The following MAP4 variants were observed in gnomAD, a reference collection of about 807,000 sequenced individuals.
The protein encoded by MAP4 is microtubule associated protein 4.
A neutral mutation model predicts 170.2 loss-of-function variants in MAP4; 76 were observed. That is an observed-to-expected ratio of 0.45 (90% CI 0.37 to 0.54). The LOEUF (loss-of-function observed/expected upper bound fraction) is 0.54, where lower values mean the gene tolerates loss of function less well. Ranked by LOEUF, MAP4 falls within the 20% of genes least tolerant of loss-of-function variation. MAP4 has a pLI of 0.00. For missense variants in MAP4, 2,506 were observed against 2,748.0 expected, an observed-to-expected ratio of 0.91 and a Z score of 1.97; for synonymous variants, 909 against 994.5, an observed-to-expected ratio of 0.91 and a Z score of 1.62.
intron 2 of MAP4, among the ~76,000 whole-genome samples, chr3:47,980,584 AG>A (rs1234341058): frequency 6.6e-6 from 1 of 152,218 alleles, no homozygotes; most frequent in African/African-American, 2.4e-5. Flanking sequence ...AGAACAAGGC[AG>A]TCCAAAACCA....
chr3:47,918,705 C>G lies in MAP4; in HGVS notation c.652+14G>C. The G allele has an allele frequency of 6.3e-7, 1 of 1,599,232 alleles. No individual in the cohort carries two copies. Among genetic ancestry groups the G allele is most frequent in the Non-Finnish European group, 8.6e-7 (1 of 1,167,348 alleles). On this transcript the variant is annotated intron_variant, in intron 6 of 20. Transcript: ENST00000683076. ...GCAACCATTAACTGATAAAGGGAGT[C>G]TCTAATAGTTTACCTGCCGTTGGCT...
intron 12 of MAP4, among the ~76,000 whole-genome samples, chr3:47,875,002 T>C (rs540686888): frequency 3.3e-5 from 5 of 151,064 alleles, no homozygotes; most frequent in South Asian, 4.1e-4. Context: ...AGCAATTCTG[T>C]AACACTAATG....
At chr3:47,941,647 C>T (rs2100056538) in intron 3 of MAP4, among the ~76,000 whole-genome samples, 1 of 150,468 alleles carries the variant, frequency 6.6e-6, no homozygotes. Flanking sequence ...AAAAACTGGG[C>T]ATGGTGGCGT....
chr3:48,000,618 G>A (rs2100098598), intron 1 of MAP4, among the ~76,000 whole-genome samples: 1 of 152,202 alleles, frequency 6.6e-6, no homozygotes, highest in Non-Finnish European at 1.5e-5. Flanking sequence ...GTCCATGAGT[G>A]ACAGCTATTT....
intron 1 of MAP4, among the ~76,000 whole-genome samples, chr3:48,051,690 A>G (rs2100127982): frequency 6.6e-6 from 1 of 152,190 alleles, no homozygotes; most frequent in South Asian, 2.1e-4. Context: ...CCACATAATC[A>G]TGTTCATTCA....
chr3:48,070,537 GT>G (rs1486102465), intron 1 of MAP4, among the ~76,000 whole-genome samples: 2 of 151,356 alleles, frequency 1.3e-5, no homozygotes, highest in South Asian at 2.1e-4. Flanking sequence ...GCTTAGGCTG[GT>G]CTTGAACTCC....
intron 10 of MAP4, among the ~76,000 whole-genome samples, chr3:47,897,963 G>T (rs1324893878): frequency 1.4e-5 from 2 of 147,430 alleles, no homozygotes; most frequent in African/African-American, 5.2e-5. Context: ...AAAAAAAAAA[G>T]AAAGAATGGT....
intron 9 of MAP4, among the ~76,000 whole-genome samples, chr3:47,905,044 A>C (rs901915771): frequency 7.9e-5 from 12 of 152,316 alleles, no homozygotes; most frequent in South Asian, 2.1e-4. Context: ...AAGACGAATG[A>C]GAACAAGATA....
chr3:47,898,172 G>T, intron 10 of MAP4, among the ~76,000 whole-genome samples: 1 of 152,064 alleles, frequency 6.6e-6, no homozygotes, highest in East Asian at 1.9e-4. Context: ...AGAACCAGAC[G>T]CTTTTACAGA....
At chr3:48,042,539 T>G (rs184745734) in intron 1 of MAP4, among the ~76,000 whole-genome samples, 1 of 151,614 alleles carries the variant, frequency 6.6e-6, no homozygotes, top group Non-Finnish European at 1.5e-5. Flanking sequence ...ACCAGAAAAA[T>G]GAAAGTCAAA....
chr3:47,895,040 G>C (rs1448882297), intron 10 of MAP4, among the ~76,000 whole-genome samples: 1 of 151,804 alleles, frequency 6.6e-6, no homozygotes, highest in African/African-American at 2.4e-5. Flanking sequence ...AAAAAAGGGG[G>C]TGAGGAAGAT....
At chr3:47,888,286 G>A (rs1049088601) in intron 10 of MAP4, among the ~76,000 whole-genome samples, 2 of 152,064 alleles carry the variant, frequency 1.3e-5, no homozygotes, top group Non-Finnish European at 2.9e-5. Flanking sequence ...CTGGTAACCC[G>A]CTCGGGTCCC....
intron 2 of MAP4, among the ~76,000 whole-genome samples, chr3:47,993,000 G>C (rs1407082505): frequency 1.3e-5 from 2 of 151,016 alleles, no homozygotes; most frequent in African/African-American, 4.9e-5. Context: ...AGTTTGAAAA[G>C]AGCCCCTAAT....
In MAP4 at chr3:47,851,199, T is replaced by C. The variant is rs1016861952; in HGVS notation, c.*1735A>G. 6.6e-6 allele frequency: 1 copy of C among 152,258 alleles called. No homozygotes were observed. The highest frequency in any genetic ancestry group is 2.4e-5 in the African/African-American group (1 of 41,454). The allele number at this position is 152,258 out of a possible 1,614,324, so 9.4% of individuals were successfully genotyped here. On this transcript the variant is annotated 3_prime_UTR_variant, in exon 21 of 21. Coordinates refer to ENST00000683076, the MANE Select transcript of MAP4 (RefSeq NM_001385682.1). ...GCAGAAGTGTTCTGCACATGGTCTC[T>C]ACGGAGGAAAGCTGGTCCCCCTGGC...
At chr3:48,038,055 C>G (rs2100119654) in intron 1 of MAP4, among the ~76,000 whole-genome samples, 1 of 151,778 alleles carries the variant, frequency 6.6e-6, no homozygotes. Flanking sequence ...ATAATCCCAG[C>G]TACTCAGGAG....
intron 1 of MAP4, among the ~76,000 whole-genome samples, chr3:48,038,938 C>A (rs563948765): frequency 6.6e-6 from 1 of 152,004 alleles, no homozygotes; most frequent in Admixed American, 6.6e-5. Context: ...CCAGTCTCTA[C>A]AAAAAATACA....
chr3:47,882,492 T>C (rs530859209), intron 10 of MAP4, among the ~76,000 whole-genome samples: 82 of 150,134 alleles, frequency 5.5e-4, no homozygotes, highest in Admixed American at 2.3e-3. Context: ...GAACATTTCT[T>C]AGAATTCTAT....
At chr3:48,023,486 CTT>C (rs2100111564) in intron 1 of MAP4, among the ~76,000 whole-genome samples, 2 of 152,176 alleles carry the variant, frequency 1.3e-5, no homozygotes, top group Admixed American at 6.6e-5. Context: ...AACTGAAAGA[CTT>C]TTGCTGACTC....
Position 47,909,477 on chromosome 3 carries a change from A to C in MAP4, c.4944T>G (p.Gly1648=). The C allele has an allele frequency of 6.2e-7, 1 of 1,613,832 alleles. No individual in the cohort carries two copies. Among genetic ancestry groups the C allele is most frequent in the African/African-American group, 1.3e-5 (1 of 75,022 alleles). ...CTACCTTCTTATTCAAACTATCTGAACCTTTGGAATTTCTATCTTGAGCAT... is the reference window on the plus strand; with the variant it reads ...CTACCTTCTTATTCAAACTATCTGACCCTTTGGAATTTCTATCTTGAGCAT... ...DQNAQDRNSK[G]SDSLNKKVDL... is the part of the protein sequence containing the mutation. The change falls in exon 9 of 21, where the codon GGT becomes GGG. Residue 1648 remains glycine, a synonymous_variant. Coordinates refer to ENST00000683076, the MANE Select transcript of MAP4 (RefSeq NM_001385682.1).
Sources: gnomAD v4.1 joint callset for allele counts (sites outside exome capture counted in the v4.1 genomes callset) on GRCh38, gnomAD v4.1.1 for gene constraint, MANE v1.5 for transcripts, NCBI Gene and HGNC (gene_info 2026-07-23, HGNC 2026-07-21) for gene names.